The following NRXN3 variants were observed in gnomAD, a reference collection of about 807,000 sequenced individuals.
NRXN3 encodes neurexin 3, also known as neurexin III.
In NRXN3, 32 loss-of-function variants were observed where a neutral mutation model predicts 137.6. The observed-to-expected ratio is 0.23, with a 90% CI of 0.18 to 0.31. The LOEUF is 0.31. Ranked by LOEUF, NRXN3 falls within the 10% of genes least tolerant of loss-of-function variation. The pLI is 1.00. For synonymous variants in NRXN3, 798 were observed against 784.5 expected, an observed-to-expected ratio of 1.02 and a Z score of -0.29; for missense variants, 1,574 against 2,062.5, an observed-to-expected ratio of 0.76 and a Z score of 4.59.
intron 4 of NRXN3, among the ~76,000 whole-genome samples, chr14:78,364,669 G>A (rs1597808739): frequency 6.6e-6 from 1 of 152,116 alleles, no homozygotes; most frequent in Non-Finnish European, 1.5e-5. Flanking sequence ...ACTGGCACTC[G>A]TCACGTTTTA....
chr14:79,059,528 A>T (rs535459856), intron 15 of NRXN3, among the ~76,000 whole-genome samples: 1 of 152,054 alleles, frequency 6.6e-6, no homozygotes, highest in African/African-American at 2.4e-5. Context: ...AAGTGCTGGG[A>T]TTACAGGCAT....
chr14:78,616,513 G>A (rs941954431), intron 4 of NRXN3, among the ~76,000 whole-genome samples: 1 of 152,184 alleles, frequency 6.6e-6, no homozygotes, highest in South Asian at 2.1e-4. Context: ...TTTTTAGCAC[G>A]ATTCAAAGTT....
intron 15 of NRXN3, among the ~76,000 whole-genome samples, chr14:79,290,455 G>A (rs1052110056): frequency 7.2e-5 from 11 of 152,164 alleles, no homozygotes; most frequent in African/African-American, 2.4e-4. Context: ...TATCTGCAGA[G>A]ACTCAAACAA....
intron 15 of NRXN3, among the ~76,000 whole-genome samples, chr14:79,109,784 T>C (rs955959873): frequency 4.6e-5 from 7 of 152,178 alleles, no homozygotes; most frequent in African/African-American, 1.2e-4. Context: ...TATTTATAAG[T>C]ATCGTTTGTC....
chr14:78,928,572 T>C (rs1436191249), intron 10 of NRXN3, among the ~76,000 whole-genome samples: 1 of 152,122 alleles, frequency 6.6e-6, no homozygotes, highest in Non-Finnish European at 1.5e-5. Flanking sequence ...GTCCTTGCGA[T>C]AGTTTGCTCA....
At chr14:78,907,977 C>CT (rs541585292) in intron 10 of NRXN3, among the ~76,000 whole-genome samples, 2 of 151,978 alleles carry the variant, frequency 1.3e-5, no homozygotes, top group East Asian at 1.9e-4. Context: ...AGATCTTGTT[C>CT]TTTTTTTATG....
intron 10 of NRXN3, among the ~76,000 whole-genome samples, chr14:78,881,176 A>G (rs1490946257): frequency 6.6e-6 from 1 of 151,490 alleles, no homozygotes; most frequent in Non-Finnish European, 1.5e-5. Flanking sequence ...AGTCAGTTAA[A>G]CCTCTTGCTT....
Position 78,715,091 on chromosome 14 carries a change from A to T in NRXN3, c.1996A>T (p.Ile666Phe), listed in dbSNP as rs752038244. Residue 666 changes from isoleucine (I) to phenylalanine (F), a missense_variant, in exon 8 of 21, where the codon ATC (isoleucine) becomes TTC (phenylalanine). Ile to Phe is a conservative substitution (Grantham distance 21). Coordinates refer to ENST00000335750, the MANE Select transcript of NRXN3 (RefSeq NM_001330195.2). The part of the protein sequence containing the change: ...AVCKDGWNRF[I>F]CDCTGTGYWG... ...GTGCAAGGACGGCTGGAACCGCTTC[A>T]TCTGCGACTGCACCGGCACCGGATA... 4 of 1,612,692 alleles carry T rather than the reference A, an allele frequency of 2.5e-6. No homozygotes were observed. Among genetic ancestry groups the T allele is most frequent in the East Asian group, 4.5e-5 (2 of 44,878 alleles).
chr14:79,600,396 C>T (rs1221270698), intron 16 of NRXN3, among the ~76,000 whole-genome samples: 1 of 152,178 alleles, frequency 6.6e-6, no homozygotes, highest in Admixed American at 6.5e-5. Flanking sequence ...CACATGTATA[C>T]TTCAGATGCA....
At chr14:78,212,390 G>C (rs993264584) in intron 1 of NRXN3, among the ~76,000 whole-genome samples, 1 of 152,056 alleles carries the variant, frequency 6.6e-6, no homozygotes, top group Non-Finnish European at 1.5e-5. Context: ...ATGGCTTGAG[G>C]CTTCCTCAAA....
Position 79,280,789 on chromosome 14 carries a change from A to G in NRXN3, c.3263-186432A>G, listed in dbSNP as rs140808304. The G allele has an allele frequency of 2.0e-4, 95 of 484,850 alleles. 3 individuals are homozygous for G. The East Asian group carries it at 2.9e-3, about 15-fold the overall frequency. 30.0% of individuals were successfully genotyped at this position (484,850 alleles called of 1,614,324 possible). Reference sequence around the variant, plus strand: ...TTTTCCCCTTAGCTCCCTCATTCATAGCTGCACAGACACCACACTCTCTCT... The same window carrying G: ...TTTTCCCCTTAGCTCCCTCATTCATGGCTGCACAGACACCACACTCTCTCT... On this transcript the variant is annotated intron_variant, in intron 15 of 20. Coordinates refer to ENST00000335750, the MANE Select transcript of NRXN3 (RefSeq NM_001330195.2).
At chr14:79,170,990 C>T (rs1255484915) in intron 15 of NRXN3, among the ~76,000 whole-genome samples, 1 of 151,990 alleles carries the variant, frequency 6.6e-6, no homozygotes, top group Non-Finnish European at 1.5e-5. Flanking sequence ...TAGTATGTCT[C>T]AGCGGAGGTG....
intron 2 of NRXN3, among the ~76,000 whole-genome samples, chr14:78,272,579 G>A (rs1018980939): frequency 1.3e-5 from 2 of 152,146 alleles, no homozygotes; most frequent in Non-Finnish European, 2.9e-5. Context: ...TCAGGCCTAC[G>A]GCATTACTGC....
intron 15 of NRXN3, among the ~76,000 whole-genome samples, chr14:79,033,546 T>C (rs909347914): frequency 6.6e-6 from 1 of 152,090 alleles, no homozygotes; most frequent in Non-Finnish European, 1.5e-5. Flanking sequence ...CCAAGTAATA[T>C]ATGGAATCAG....
intron 1 of NRXN3, among the ~76,000 whole-genome samples, chr14:78,237,807 G>T (rs943683404): frequency 6.6e-6 from 1 of 152,170 alleles, no homozygotes; most frequent in Non-Finnish European, 1.5e-5. Context: ...TGAACATGGG[G>T]CAAAACCACC....
At chr14:79,021,280 A>G (rs2099589227) in intron 15 of NRXN3, among the ~76,000 whole-genome samples, 1 of 152,106 alleles carries the variant, frequency 6.6e-6, no homozygotes, top group Non-Finnish European at 1.5e-5. Context: ...CGGGTCTGGG[A>G]CCTTAAACAT....
rs57666394 is a variant in NRXN3 at position 78,697,500 on chromosome 14, T to G, written c.1222-11717T>G. Reference sequence around the variant, plus strand: ...TTAGAAAATCTATCTTTAAATGTGATTTGTGTAACTGGTAGTGAAATTCAT... The same window carrying G: ...TTAGAAAATCTATCTTTAAATGTGAGTTGTGTAACTGGTAGTGAAATTCAT... On this transcript the variant is annotated intron_variant, in intron 6 of 20. Coordinates refer to ENST00000335750, the MANE Select transcript of NRXN3 (RefSeq NM_001330195.2). 1.4e-4 allele frequency among the ~76,000 whole-genome samples: 21 copies of G among 152,064 alleles called. No homozygotes were observed. The East Asian group carries it at 2.9e-3, about 21-fold the overall frequency.
At chr14:79,794,103 G>T (rs1273922498) in intron 19 of NRXN3, among the ~76,000 whole-genome samples, 1 of 152,156 alleles carries the variant, frequency 6.6e-6, no homozygotes, top group African/African-American at 2.4e-5. Context: ...GGTGGCTCAC[G>T]CCTGTAATCC....
intron 1 of NRXN3, among the ~76,000 whole-genome samples, chr14:78,193,298 A>AT (rs1379339764): frequency 1.3e-5 from 2 of 152,196 alleles, no homozygotes; most frequent in African/African-American, 4.8e-5. Context: ...TTAGGATTGC[A>AT]TAAAGTCACA....
Sources: allele counts gnomAD v4.1 joint callset (sites outside exome capture counted in the v4.1 genomes callset), GRCh38; gene constraint gnomAD v4.1.1; transcripts MANE v1.5; gene names NCBI Gene and HGNC (gene_info 2026-07-23, HGNC 2026-07-21).